Variants in TNS3 observed in about 807,000 individuals in gnomAD.
TNS3 encodes tensin-3.
TNS3 carries 45 observed loss-of-function variants against 140.9 expected under a neutral mutation model. The observed-to-expected ratio is 0.32, with a 90% CI of 0.25 to 0.41. The LOEUF (loss-of-function observed/expected upper bound fraction) is 0.41. TNS3 is among the 10% of genes least tolerant of loss of function. TNS3 has a pLI of 1.00. For synonymous variants in TNS3, 815 were observed against 788.4 expected (o/e 1.03, Z -0.56); for missense variants, 1,716 against 1,906.7 (o/e 0.90, Z 1.86).
chr7:47,385,589 A>G (rs1445002598), intron 16 of TNS3, among the ~76,000 whole-genome samples: 2 of 152,208 alleles, frequency 1.3e-5, no homozygotes, highest in Non-Finnish European at 2.9e-5. Context: ...GCTTCCCAGA[A>G]GGTGACACTC....
chr7:47,567,492 G>A lies in TNS3; in HGVS notation c.-265+14559C>T, dbSNP rs867168397. Among the ~76,000 whole-genome samples, 3 of 152,026 alleles carry A rather than the reference G, an allele frequency of 2.0e-5. 1 individual carries two copies. The highest frequency in any genetic ancestry group is 4.2e-4 in the South Asian group (2 of 4,810). On this transcript the variant is annotated intron_variant, in intron 1 of 30. Transcript: ENST00000311160. ...GAGGTCAGGAAATCGAGACCATCCT[G>A]GCTAACACGGTGAAACCCCGTCTCT...
intron 20 of TNS3, among the ~76,000 whole-genome samples, chr7:47,318,974 C>T (rs1787571712): frequency 6.6e-6 from 1 of 152,210 alleles, no homozygotes; most frequent in African/African-American, 2.4e-5. Context: ...ATCTGGCTTT[C>T]CTTTAGAAAC....
At chr7:47,568,520 A>C (rs1237274037) in intron 1 of TNS3, among the ~76,000 whole-genome samples, 1 of 152,200 alleles carries the variant, frequency 6.6e-6, no homozygotes, top group Non-Finnish European at 1.5e-5. Flanking sequence ...AGCTGCATGA[A>C]AGGAATGAGT....
chr7:47,310,104 A>T (rs1360382138), intron 20 of TNS3, among the ~76,000 whole-genome samples: 3 of 152,216 alleles, frequency 2.0e-5, no homozygotes, highest in African/African-American at 7.2e-5. Flanking sequence ...GTTCAGAGCT[A>T]CCAAGGCACC....
chr7:47,423,016 C>T (rs1199983052), intron 10 of TNS3, among the ~76,000 whole-genome samples: 1 of 152,130 alleles, frequency 6.6e-6, no homozygotes, highest in East Asian at 1.9e-4. Flanking sequence ...CCAACACACC[C>T]GGTTTCAAGA....
At chr7:47,472,286 A>G (rs1796987113) in intron 4 of TNS3, among the ~76,000 whole-genome samples, 1 of 151,986 alleles carries the variant, frequency 6.6e-6, no homozygotes, top group Admixed American at 6.6e-5. Flanking sequence ...ACACAACTCA[A>G]CCCCCTGTAC....
At chr7:47,459,323 G>C (rs1366736615) in intron 4 of TNS3, among the ~76,000 whole-genome samples, 1 of 152,156 alleles carries the variant, frequency 6.6e-6, no homozygotes, top group African/African-American at 2.4e-5. Context: ...CATCATCCCA[G>C]AGAAGAGGAA....
intron 10 of TNS3, among the ~76,000 whole-genome samples, chr7:47,421,949 T>C (rs1794393675): frequency 1.3e-5 from 2 of 152,062 alleles, no homozygotes; most frequent in Non-Finnish European, 2.9e-5. Flanking sequence ...TTGAGCTCAG[T>C]CCTAAAGCAG....
chr7:47,577,764 G>A (rs544119901), intron 1 of TNS3, among the ~76,000 whole-genome samples: 24 of 152,304 alleles, frequency 1.6e-4, no homozygotes, highest in African/African-American at 5.5e-4. Context: ...GGTCTTGTTA[G>A]CCGCGTTATT....
chr7:47,369,606 C>T lies in TNS3; in HGVS notation c.1040G>A (p.Gly347Asp), dbSNP rs995550628. ...CGCGTAAAGGCTGCCATCGACAGGG[C>T]CCTGCGTGTGTAGCACTGCGGGGGA... ...SADGEVLHTQ[G>D]PVDGSLYAKV... Residue 347 changes from glycine to aspartate, a missense_variant, in exon 17 of 31, where the codon GGC (glycine) becomes GAC (aspartate). Transcript: ENST00000311160. 4 of 1,584,956 alleles carry T rather than the reference C, an allele frequency of 2.5e-6. No individual in the cohort carries two copies. The African/African-American group carries it at 4.0e-5, about 16-fold the overall frequency.
intron 15 of TNS3, among the ~76,000 whole-genome samples, chr7:47,399,929 C>G (rs111755115): frequency 0.027 from 4,070 of 149,902 alleles, 69 homozygotes; most frequent in South Asian, 0.039. Context: ...ATGCATCTGA[C>G]AAAGAGCTAA....
chr7:47,554,990 T>TGCACACCA (rs1357751633), intron 1 of TNS3, among the ~76,000 whole-genome samples: 5 of 149,704 alleles, frequency 3.3e-5, no homozygotes, highest in Admixed American at 3.3e-4. Flanking sequence ...ATTGCGCCAC[T>TGCACACCA]GCACTCCAGC....
chr7:47,466,724 G>A (rs1392583206), intron 4 of TNS3, among the ~76,000 whole-genome samples: 1 of 152,170 alleles, frequency 6.6e-6, no homozygotes, highest in African/African-American at 2.4e-5. Context: ...CTCCCCTTTT[G>A]TGATAGTGCA....
chr7:47,301,003 C>T (rs1786369671), intron 23 of TNS3, among the ~76,000 whole-genome samples: 1 of 152,184 alleles, frequency 6.6e-6, no homozygotes, highest in African/African-American at 2.4e-5. Context: ...CTGTCATCTA[C>T]ATAACTGAAT....
Position 47,453,502 on chromosome 7 carries a change from T to C in TNS3, c.-75-11447A>G, listed in dbSNP as rs116492398. Among the ~76,000 whole-genome samples, 1,103 of 152,232 alleles carry C rather than the reference T, an allele frequency of 7.2e-3. 7 individuals are homozygous for C. The highest frequency in any genetic ancestry group is 0.025 in the African/African-American group (1,030 of 41,540). Reference sequence around the variant, plus strand: ...TCCTTCCTCTCCCCCAACCCCATTCTCTCCTTTACCACTTCCTTCCTTAGT... The same window carrying C: ...TCCTTCCTCTCCCCCAACCCCATTCCCTCCTTTACCACTTCCTTCCTTAGT... On this transcript the variant is annotated intron_variant, in intron 4 of 30. Transcript: ENST00000311160.
intron 20 of TNS3, among the ~76,000 whole-genome samples, chr7:47,339,876 A>G (rs1788850815): frequency 6.6e-6 from 1 of 150,914 alleles, no homozygotes; most frequent in Non-Finnish European, 1.5e-5. Flanking sequence ...AGCATTGTGC[A>G]GTTTTCAGCA....
chr7:47,379,589 T>C (rs200034193), intron 16 of TNS3, among the ~76,000 whole-genome samples: 1 of 138,654 alleles, frequency 7.2e-6, no homozygotes, highest in Middle Eastern at 3.7e-3. Flanking sequence ...TTTCCTCTTT[T>C]TTTATTTTTG....
intron 17 of TNS3, among the ~76,000 whole-genome samples, chr7:47,354,355 C>T (rs1175453465): frequency 6.6e-6 from 1 of 152,150 alleles, no homozygotes; most frequent in Non-Finnish European, 1.5e-5. Context: ...CCCTCCCACC[C>T]CCAGCTCCCC....
chr7:47,430,221 C>T (rs369096495), intron 8 of TNS3, among the ~76,000 whole-genome samples: 1 of 151,682 alleles, frequency 6.6e-6, no homozygotes, highest in Admixed American at 6.6e-5. Context: ...CTCCACCTCC[C>T]GAGTTCAAGC....
Sources: allele counts gnomAD v4.1 joint callset (sites outside exome capture counted in the v4.1 genomes callset), GRCh38; gene constraint gnomAD v4.1.1; transcripts MANE v1.5; gene names NCBI Gene and HGNC (gene_info 2026-07-23, HGNC 2026-07-21).